Variants in MBP observed in about 807,000 individuals in gnomAD.
The protein encoded by MBP is Golli-MBP.
In MBP, 16 loss-of-function variants were observed where a neutral mutation model predicts 35.8. That is an observed-to-expected ratio of 0.45 (90% CI 0.30 to 0.68). MBP has a LOEUF of 0.68. Among genes scored for constraint, MBP ranks in the 30% least tolerant of loss-of-function variants. The pLI, the probability that MBP is intolerant of heterozygous loss-of-function variation, is 0.08. For missense variants in MBP, 380 were observed against 404.7 expected (o/e 0.94, Z 0.52); for synonymous variants, 143 against 159.6 (o/e 0.90, Z 0.78).
At position 77,098,754 on chromosome 18, in the gene MBP, C is replaced by T. The variant is rs563163731; in HGVS notation, c.51+6457G>A. Among the ~76,000 whole-genome samples the T allele has an allele frequency of 5.9e-5, 9 of 152,310 alleles. No homozygotes were observed. The South Asian group carries it at 6.2e-4, about 11-fold the overall frequency. ...ACCGCCAAGGCAGGGCAGAGTGGGACGTGGGGCTGGATGCCCTTCGGCAAA... is the reference window on the plus strand; with the variant it reads ...ACCGCCAAGGCAGGGCAGAGTGGGATGTGGGGCTGGATGCCCTTCGGCAAA... On this transcript the variant is annotated intron_variant, in intron 2 of 8. Transcript: ENST00000355994.
chr18:76,999,806 A>C (rs558723909), intron 4 of MBP, among the ~76,000 whole-genome samples: 15 of 152,262 alleles, frequency 9.9e-5, no homozygotes, highest in African/African-American at 3.4e-4. Flanking sequence ...ATATACTTTT[A>C]GTTGTACTCA....
At chr18:77,075,634 A>G (rs1290709721) in intron 2 of MBP, among the ~76,000 whole-genome samples, 1 of 152,220 alleles carries the variant, frequency 6.6e-6, no homozygotes, top group African/African-American at 2.4e-5. Flanking sequence ...TGTTTTGCTT[A>G]GGGACAAAAT....
chr18:76,990,999 C>A, intron 4 of MBP: 1 of 213,758 alleles, frequency 4.7e-6, no homozygotes, highest in Non-Finnish European at 1.0e-5. Context: ...GGGCAAAGCA[C>A]TGAGAGAAAA....
Position 77,102,029 on chromosome 18 carries a change from G to A in MBP, c.51+3182C>T, listed in dbSNP as rs1246906524. On this transcript the variant is annotated intron_variant, in intron 2 of 8. Coordinates refer to ENST00000355994, the MANE Select transcript of MBP (RefSeq NM_001025101.2). This position sits in a 1 kb window ranked among gnomAD's most constrained non-coding sequence, Gnocchi z 4.4. ...GGAAAGTTCCCTCCTTGATATAGGA[G>A]GGGAAGAAGTCGGATGATAAACAAA... 2.0e-5 allele frequency among the ~76,000 whole-genome samples: 3 copies of A among 152,196 alleles called. No homozygotes were observed. The highest frequency in any genetic ancestry group is 7.2e-5 in the African/African-American group (3 of 41,446).
chr18:77,127,699 C>T (rs1340904522), intron 1 of MBP: 4 of 151,864 alleles, frequency 2.6e-5, no homozygotes, highest in African/African-American at 7.3e-5. Flanking sequence ...CCAAACAATC[C>T]AATTAAAAAG....
intron 1 of MBP, among the ~76,000 whole-genome samples, chr18:77,106,396 C>T (rs1430728867): frequency 1.3e-5 from 2 of 152,128 alleles, no homozygotes; most frequent in Non-Finnish European, 2.9e-5. Flanking sequence ...AGGCGGGCAC[C>T]CCCATCACCC....
intron 7 of MBP, chr18:76,986,777 G>C: frequency 1.0e-6 from 1 of 985,446 alleles, no homozygotes; most frequent in Non-Finnish European, 1.2e-6. Flanking sequence ...TTACTCTATT[G>C]CTTTTCTCCA....
intron 2 of MBP, among the ~76,000 whole-genome samples, chr18:77,080,944 A>C (rs1974873593): frequency 6.6e-6 from 1 of 152,168 alleles, no homozygotes; most frequent in Non-Finnish European, 1.5e-5. Context: ...CAACCTCCCA[A>C]AGTGCTGGGA....
At position 76,988,889 on chromosome 18, in the gene MBP, C is replaced by T. The variant is rs112511603; in HGVS notation, c.705G>A (p.Pro235=). 11 of 1,613,736 alleles carry T rather than the reference C, an allele frequency of 6.8e-6. No homozygotes were observed. The highest frequency in any genetic ancestry group is 1.6e-4 in the Middle Eastern group (1 of 6,078). The change falls in exon 6 of 9, where the codon CCG becomes CCA. Residue 235 remains proline (P), a synonymous_variant. Transcript: ENST00000355994. This position sits in a 1 kb window ranked among gnomAD's most constrained non-coding sequence, Gnocchi z 5.2. ...TCCAAGGTCTTACCTTTCCCTGCGA[C>T]GGGGGTGGTGTGCGAGGCGTCACCT... is the stretch of plus-strand genomic sequence containing the variant. ...KNIVTPRTPP[P]SQGKGRGLSL...
chr18:77,062,386 G>A (rs1292385571), intron 3 of MBP, among the ~76,000 whole-genome samples: 6 of 152,042 alleles, frequency 3.9e-5, no homozygotes, highest in Non-Finnish European at 7.4e-5. Context: ...CTGGTCTACT[G>A]AAAAATGGCC....
chr18:77,023,203 G>C (rs746634730), intron 3 of MBP, among the ~76,000 whole-genome samples: 27 of 152,164 alleles, frequency 1.8e-4, no homozygotes, highest in Non-Finnish European at 2.6e-4. Flanking sequence ...GCACAGAAAT[G>C]CACAGCAGGA....
At chr18:77,068,445 G>C (rs1318296617) in intron 2 of MBP, among the ~76,000 whole-genome samples, 2 of 152,100 alleles carry the variant, frequency 1.3e-5, no homozygotes, top group African/African-American at 2.4e-5. Flanking sequence ...AAGTCATCTT[G>C]GAACCACCAC....
At chr18:77,001,493 G>A (rs1327881414) in intron 4 of MBP, among the ~76,000 whole-genome samples, 1 of 152,208 alleles carries the variant, frequency 6.6e-6, no homozygotes, top group Non-Finnish European at 1.5e-5. Flanking sequence ...ATTTCACATG[G>A]AATCCTTTTG....
intron 3 of MBP, among the ~76,000 whole-genome samples, chr18:77,041,969 C>A (rs765523596): frequency 2.6e-5 from 4 of 151,540 alleles, no homozygotes; most frequent in Non-Finnish European, 5.9e-5. Context: ...CCTGCAGGAA[C>A]CCCCAGGAGA....
At chr18:77,100,863 T>C (rs1975980622) in intron 2 of MBP, among the ~76,000 whole-genome samples, 1 of 151,926 alleles carries the variant, frequency 6.6e-6, no homozygotes, top group Non-Finnish European at 1.5e-5. Context: ...TCGTTTGGTG[T>C]TTTGAACATG....
In MBP at chr18:77,131,026, A is replaced by ACACAC. The variant is rs1491311244; in HGVS notation, c.-26+1553_-26+1554insGTGTG. On this transcript the variant is annotated intron_variant, in intron 1 of 8. Coordinates refer to ENST00000355994, the MANE Select transcript of MBP (RefSeq NM_001025101.2). This position sits in a 1 kb window ranked among gnomAD's most constrained non-coding sequence, Gnocchi z 5.5. ...TCCCTCAGATTTCTGTTTTTCCCAC[A>ACACAC]AAAAAAAAAAAAAAACAAAACCTCA... Among the ~76,000 whole-genome samples the ACACAC allele has an allele frequency of 4.9e-5, 1 of 20,498 alleles. No homozygotes were observed. Among genetic ancestry groups the ACACAC allele is most frequent in the African/African-American group, 2.9e-4 (1 of 3,392 alleles). 13.4% of individuals were successfully genotyped at this position (20,498 alleles called of 152,430 possible).
At chr18:77,079,933 G>T (rs1481419359) in intron 2 of MBP, among the ~76,000 whole-genome samples, 1 of 152,118 alleles carries the variant, frequency 6.6e-6, no homozygotes, top group South Asian at 2.1e-4. Context: ...GGGATTGAAC[G>T]GTTCTTCACC....
intron 4 of MBP, chr18:77,014,716 T>C (rs1971532123): frequency 3.0e-6 from 3 of 985,398 alleles, no homozygotes; most frequent in East Asian, 1.1e-4. Flanking sequence ...TGTGATAAAA[T>C]AGTTGAGTGG....
intron 3 of MBP, among the ~76,000 whole-genome samples, chr18:77,021,565 C>A (rs961426805): frequency 1.3e-5 from 2 of 149,932 alleles, no homozygotes; most frequent in Admixed American, 6.7e-5. Flanking sequence ...CTCACCGCAA[C>A]CTCCGCCTCC....
Sources: gnomAD v4.1 joint callset for allele counts (sites outside exome capture counted in the v4.1 genomes callset) on GRCh38, gnomAD v4.1.1 for gene constraint, Gnocchi (gnomAD v3.1) non-coding constraint, MANE v1.5 for transcripts, NCBI Gene and HGNC (gene_info 2026-07-23, HGNC 2026-07-21) for gene names.